Variants in NOS1 observed in about 807,000 individuals in gnomAD.
The protein encoded by NOS1 is nitric oxide synthase 1.
In NOS1, 51 loss-of-function variants were observed where a neutral mutation model predicts 164.5. The observed-to-expected ratio is 0.31, with a 90% CI of 0.25 to 0.39. The LOEUF is 0.39. Among genes scored for constraint, NOS1 ranks in the 10% least tolerant of loss-of-function variants. The pLI, the probability that NOS1 is intolerant of heterozygous loss-of-function variation, is 1.00. For missense variants in NOS1, 1,362 were observed against 1,885.6 expected, an observed-to-expected ratio of 0.72 and a Z score of 5.14; for synonymous variants, 719 against 745.8, an observed-to-expected ratio of 0.96 and a Z score of 0.59.
rs139116957 is a variant in NOS1 at position 117,238,503 on chromosome 12, G to GTTTCTTTTCT, written c.3042-3755_3042-3746dup. On this transcript the variant is annotated intron_variant, in intron 20 of 28. Transcript: ENST00000317775. The stretch of plus-strand genomic sequence containing the variant: ...CCCCTCTGTGCAGCAGAGAGCTATT[G>GTTTCTTTTCT]TTTCTTTTCTTTTCTTTTCTTTTCT... 5.5e-4 allele frequency among the ~76,000 whole-genome samples: 83 copies of GTTTCTTTTCT among 151,282 alleles called. 1 individual carries two copies. The highest frequency in any genetic ancestry group is 4.6e-3 in the South Asian group (22 of 4,766).
intron 19 of NOS1, among the ~76,000 whole-genome samples, chr12:117,242,956 A>T (rs1395058876): frequency 2.0e-5 from 3 of 152,146 alleles, no homozygotes; most frequent in Non-Finnish European, 4.4e-5. Context: ...TGCTCTCTGG[A>T]GTAGAATGAG....
chr12:117,333,126 G>A (rs1875629287), intron 1 of NOS1, among the ~76,000 whole-genome samples: 1 of 152,194 alleles, frequency 6.6e-6, no homozygotes, highest in Admixed American at 6.5e-5. Context: ...ATCTGTGGGT[G>A]TGGGTAGGGT....
intron 1 of NOS1, among the ~76,000 whole-genome samples, chr12:117,355,404 A>G (rs570098246): frequency 6.6e-6 from 1 of 152,348 alleles, no homozygotes; most frequent in Non-Finnish European, 1.5e-5. Context: ...AAGGCAGAAG[A>G]TGTTAAAGCT....
chr12:117,305,255 G>A (rs1254111029), intron 3 of NOS1, among the ~76,000 whole-genome samples: 2 of 152,174 alleles, frequency 1.3e-5, no homozygotes, highest in Admixed American at 1.3e-4. Context: ...AAGGTCAGGA[G>A]ATCGAGACCA....
Position 117,208,431 on chromosome 12 carries a change from C to T in NOS1, c.*6878G>A, listed in dbSNP as rs914020662. 1.1e-6 allele frequency: 1 copy of T among 947,312 alleles called. No individual in the cohort carries two copies. Among genetic ancestry groups the T allele is most frequent in the Non-Finnish European group, 1.3e-6 (1 of 793,516 alleles). 58.7% of individuals were successfully genotyped at this position (947,312 alleles called of 1,614,324 possible). A position where few individuals can be genotyped will look rare whatever the true frequency, so the allele number is the denominator to read the frequency against. On this transcript the variant is annotated 3_prime_UTR_variant, in exon 29 of 29. Transcript: ENST00000317775. Reference sequence around the variant, plus strand: ...GTGTGTGTGTGTGTGTGGTGAGATGCGACCAGGTCTGCCCACCTCCCCAGC... The same window carrying T: ...GTGTGTGTGTGTGTGTGGTGAGATGTGACCAGGTCTGCCCACCTCCCCAGC...
At position 117,214,864 on chromosome 12, in the gene NOS1, CACAG is replaced by C. The variant is rs60094430; in HGVS notation, c.*441_*444del. On this transcript the variant is annotated 3_prime_UTR_variant, in exon 29 of 29. Coordinates refer to ENST00000317775, the MANE Select transcript of NOS1 (RefSeq NM_000620.5). ...ACACACACACACACACACACACACA[CACAG>C]GCACGCACAACCAAAATGTCATCAT... 6.9e-3 allele frequency: 6,785 copies of C among 983,826 alleles called. 209 individuals carry two copies. In the East Asian group the frequency reaches 0.11, roughly 16 times the overall value. The allele number at this position is 983,826 out of a possible 1,614,324, so 60.9% of individuals were successfully genotyped here.
intron 3 of NOS1, among the ~76,000 whole-genome samples, chr12:117,303,130 A>T (rs1481613117): frequency 6.6e-6 from 1 of 152,102 alleles, no homozygotes; most frequent in Non-Finnish European, 1.5e-5. Flanking sequence ...GTTGTCTCCA[A>T]GAGGCAGAGC....
chr12:117,274,007 C>T (rs894510034), intron 9 of NOS1, among the ~76,000 whole-genome samples: 2 of 152,222 alleles, frequency 1.3e-5, no homozygotes, highest in South Asian at 4.1e-4. Flanking sequence ...AGCAAAGAAA[C>T]AAGCAACAGA....
intron 2 of NOS1, among the ~76,000 whole-genome samples, chr12:117,312,702 C>T (rs968476886): frequency 3.9e-5 from 6 of 152,114 alleles, no homozygotes; most frequent in Admixed American, 2.0e-4. Context: ...AGATTACAGG[C>T]GTGAGCCACT....
intron 3 of NOS1, among the ~76,000 whole-genome samples, chr12:117,292,286 G>A (rs750143456): frequency 5.3e-5 from 8 of 152,132 alleles, no homozygotes; most frequent in Non-Finnish European, 8.8e-5. Flanking sequence ...AGGGGAGAAG[G>A]GCAAGTGCAA....
intron 11 of NOS1, among the ~76,000 whole-genome samples, chr12:117,266,458 A>G (rs1158781267): frequency 6.6e-6 from 1 of 152,098 alleles, no homozygotes; most frequent in Non-Finnish European, 1.5e-5. Context: ...CCACATTTTT[A>G]GCAATTGCGA....
rs1956534160 is a variant in NOS1 at position 117,211,938 on chromosome 12, G to T, written c.*3371C>A. The T allele has an allele frequency of 4.8e-6, 3 of 629,676 alleles. No homozygotes were observed. Among genetic ancestry groups the T allele is most frequent in the South Asian group, 1.4e-4 (2 of 14,120 alleles). 39.0% of individuals were successfully genotyped at this position (629,676 alleles called of 1,614,324 possible). On this transcript the variant is annotated 3_prime_UTR_variant, in exon 29 of 29. Transcript: ENST00000317775. The stretch of plus-strand genomic sequence containing the variant: ...AACTTAGCTGGGCGTGGTGGTAGGC[G>T]CCTGTAGTCCCAGTTACTCAGGAGG...
chr12:117,348,260 G>A (rs1876448658), intron 1 of NOS1: 1 of 152,066 alleles, frequency 6.6e-6, no homozygotes. Flanking sequence ...ATGTCGCAGA[G>A]GTTGGAAGGA....
intron 3 of NOS1, among the ~76,000 whole-genome samples, chr12:117,300,102 A>T (rs768846608): frequency 9.9e-5 from 15 of 152,170 alleles, no homozygotes; most frequent in Non-Finnish European, 2.2e-4. Flanking sequence ...AAATCCTGGG[A>T]ACCTCAGGAA....
At chr12:117,335,729 T>TGAGAGAGAGAGAGAGAAGAGAGAGAGAGA (rs1875777125) in intron 1 of NOS1, among the ~76,000 whole-genome samples, 1 of 112,540 alleles carries the variant, frequency 8.9e-6, no homozygotes. Context: ...ACAGACTATA[T>TGAGAGAGAGAGAGAGAAGAGAGAGAGAGA]GAGAGAGAGA....
chr12:117,262,366 T>G (rs1279224162), intron 13 of NOS1, among the ~76,000 whole-genome samples: 2 of 148,052 alleles, frequency 1.4e-5, no homozygotes, highest in African/African-American at 2.5e-5. Flanking sequence ...TGGCTGCTGA[T>G]GTGTTCTTGC....
intron 13 of NOS1, among the ~76,000 whole-genome samples, chr12:117,262,156 T>C (rs908429883): frequency 6.6e-6 from 1 of 152,168 alleles, no homozygotes; most frequent in Non-Finnish European, 1.5e-5. Flanking sequence ...GAATAAAAGG[T>C]ACCTGGAGGG....
chr12:117,214,132 T>A lies in NOS1; in HGVS notation c.*1177A>T, dbSNP rs1956568310. 6 of 985,262 alleles carry A rather than the reference T, an allele frequency of 6.1e-6. No homozygotes were observed. Among genetic ancestry groups the A allele is most frequent in the African/African-American group, 1.7e-5 (1 of 57,234 alleles). The allele number at this position is 985,262 out of a possible 1,614,324, so 61.0% of individuals were successfully genotyped here. On this transcript the variant is annotated 3_prime_UTR_variant, in exon 29 of 29. Transcript: ENST00000317775. ...ATTATGGCAACTCTTTCCAACCTCATCCACTTTAACCAGCTTCCATTATTT... is the reference window on the plus strand; with the variant it reads ...ATTATGGCAACTCTTTCCAACCTCAACCACTTTAACCAGCTTCCATTATTT...
In NOS1 at chr12:117,285,086, T is replaced by TA. The variant is rs1286069647; in HGVS notation, c.1382+154dup. 4.1e-3 allele frequency among the ~76,000 whole-genome samples: 590 copies of TA among 144,804 alleles called. 2 individuals carry two copies. The highest frequency in any genetic ancestry group is 0.013 in the African/African-American group (525 of 39,538). 95.0% of individuals were successfully genotyped at this position (144,804 alleles called of 152,430 possible). ...TAAATAAATAAAATAAAATAAAAAATAAAAAAAAAAGATGCCAGGACACCT... is the reference window on the plus strand; with the variant it reads ...TAAATAAATAAAATAAAATAAAAAATAAAAAAAAAAAGATGCCAGGACACCT... On this transcript the variant is annotated intron_variant, in intron 7 of 28. Transcript: ENST00000317775.
Sources: gnomAD v4.1 joint callset for allele counts (sites outside exome capture counted in the v4.1 genomes callset) on GRCh38, gnomAD v4.1.1 for gene constraint, MANE v1.5 for transcripts, NCBI Gene and HGNC (gene_info 2026-07-23, HGNC 2026-07-21) for gene names.